The following PALM2AKAP2 variants were observed in gnomAD, a reference collection of about 807,000 sequenced individuals.
PALM2AKAP2 encodes PALM2-AKAP2 fusion protein.
PALM2AKAP2 carries 37 observed loss-of-function variants against 71.5 expected under a neutral mutation model. The observed-to-expected ratio is 0.52, with a 90% CI of 0.40 to 0.68. PALM2AKAP2 has a LOEUF of 0.68. Ranked by LOEUF, PALM2AKAP2 falls within the 30% of genes least tolerant of loss-of-function variation. The pLI is 0.00. For missense variants in PALM2AKAP2, 1,224 were observed against 1,191.8 expected (o/e 1.03, Z -0.40); for synonymous variants, 468 against 478.8 (o/e 0.98, Z 0.29).
At chr9:110,035,891 G>A (rs1157550212) in intron 7 of PALM2AKAP2, among the ~76,000 whole-genome samples, 6 of 146,248 alleles carry the variant, frequency 4.1e-5, no homozygotes, top group African/African-American at 1.5e-4. Context: ...GATATGTTGT[G>A]TGTTATATAT....
At chr9:109,955,983 GTGTT>G (rs1256279509) in intron 6 of PALM2AKAP2, among the ~76,000 whole-genome samples, 6 of 151,702 alleles carry the variant, frequency 4.0e-5, no homozygotes, top group East Asian at 1.9e-4. Flanking sequence ...ATATGATTTA[GTGTT>G]TGTTTGTTTT....
intron 1 of PALM2AKAP2, among the ~76,000 whole-genome samples, chr9:109,856,649 A>G (rs1407496534): frequency 6.6e-6 from 1 of 152,110 alleles, no homozygotes; most frequent in Non-Finnish European, 1.5e-5. Context: ...TATTACTTTT[A>G]TTTATGTTTT....
chr9:110,138,738 A>G (rs897800488), intron 2 of PALM2AKAP2, among the ~76,000 whole-genome samples, 199 bp downstream of exon 8: 2 of 152,220 alleles, frequency 1.3e-5, no homozygotes, highest in African/African-American at 4.8e-5. Context: ...CTGAGCTTGC[A>G]TGGAGTTTGC....
At chr9:109,893,649 T>C (rs1830136897) in intron 3 of PALM2AKAP2, among the ~76,000 whole-genome samples, 1 of 152,160 alleles carries the variant, frequency 6.6e-6, no homozygotes, top group Non-Finnish European at 1.5e-5. Flanking sequence ...GGTTTCACCG[T>C]GTTGGCCAGG....
chr9:109,723,618 A>T (rs182140477), intron 1 of PALM2AKAP2, among the ~76,000 whole-genome samples: 1 of 152,352 alleles, frequency 6.6e-6, no homozygotes, highest in African/African-American at 2.4e-5. Context: ...ATGAGGATAT[A>T]TATGTATCAC....
chr9:110,167,081 A>G (rs1836754393), intron 3 of PALM2AKAP2, among the ~76,000 whole-genome samples: 1 of 152,198 alleles, frequency 6.6e-6, no homozygotes, highest in Non-Finnish European at 1.5e-5. Flanking sequence ...TTATAAAACC[A>G]TCAGGTCTGG....
At chr9:109,801,269 T>C (rs1293591929) in intron 1 of PALM2AKAP2, among the ~76,000 whole-genome samples, 1 of 152,064 alleles carries the variant, frequency 6.6e-6, no homozygotes, top group East Asian at 1.9e-4. Context: ...CCCCCAGGGA[T>C]AGTGGTGAAG....
chr9:109,757,127 A>T (rs977189552), intron 1 of PALM2AKAP2, among the ~76,000 whole-genome samples: 1 of 151,866 alleles, frequency 6.6e-6, no homozygotes, highest in African/African-American at 2.4e-5. Flanking sequence ...CCTCATACAC[A>T]CCCTTCCCAG....
At chr9:109,720,181 G>T (rs780519901) in intron 1 of PALM2AKAP2, among the ~76,000 whole-genome samples, 1 of 152,106 alleles carries the variant, frequency 6.6e-6, no homozygotes, top group Non-Finnish European at 1.5e-5. Context: ...TAGAGATGGG[G>T]TTTCACCATG....
At position 110,131,575 on chromosome 9, in the gene PALM2AKAP2, C is replaced by T. The variant is rs114119082; in HGVS notation, c.157-4552C>T. On this transcript the variant is annotated intron_variant, in intron 1 of 3. Coordinates refer to ENST00000374525, the Ensembl canonical transcript of PALM2AKAP2. ...ACCAAGCCCAGATTCCTGCCTAATC[C>T]GGATAGGTTAGATTTCCAGCCCATT... Among the ~76,000 whole-genome samples the T allele has an allele frequency of 1.8e-3, 270 of 152,282 alleles. 3 individuals carry two copies. Among genetic ancestry groups the T allele is most frequent in the African/African-American group, 5.9e-3 (246 of 41,552 alleles).
intron 1 of PALM2AKAP2, among the ~76,000 whole-genome samples, chr9:110,119,211 TGG>T (rs1341632377): frequency 6.6e-6 from 1 of 151,516 alleles, no homozygotes; most frequent in Non-Finnish European, 1.5e-5. Flanking sequence ...GGTGTGGTGG[TGG>T]GCGCCTGTAG....
chr9:109,959,807 A>G (rs893490977), intron 6 of PALM2AKAP2, among the ~76,000 whole-genome samples: 4 of 151,892 alleles, frequency 2.6e-5, no homozygotes, highest in Admixed American at 6.6e-5. Context: ...CCAGGAGAAA[A>G]TTTCCCTCAT....
intron 1 of PALM2AKAP2, among the ~76,000 whole-genome samples, chr9:109,666,680 T>C (rs1827490370): frequency 6.6e-6 from 1 of 152,230 alleles, no homozygotes; most frequent in Non-Finnish European, 1.5e-5. Context: ...TACAGGTGTC[T>C]GCTCCTTATG....
chr9:109,755,447 C>T (rs1360275573), intron 1 of PALM2AKAP2, among the ~76,000 whole-genome samples: 1 of 152,066 alleles, frequency 6.6e-6, no homozygotes, highest in Non-Finnish European at 1.5e-5. Flanking sequence ...CCTCTTCTCC[C>T]TCATCTTTGC....
At chr9:109,709,888 C>T (rs1451527523) in intron 1 of PALM2AKAP2, among the ~76,000 whole-genome samples, 3 of 152,194 alleles carry the variant, frequency 2.0e-5, no homozygotes, top group Non-Finnish European at 2.9e-5. Flanking sequence ...CCCCTACTAC[C>T]TGTGAATATG....
intron 1 of PALM2AKAP2, among the ~76,000 whole-genome samples, chr9:109,735,088 A>G (rs1251548279): frequency 6.6e-6 from 1 of 151,738 alleles, no homozygotes; most frequent in African/African-American, 2.4e-5. Context: ...AGACAAGGCA[A>G]ATGATATCCT....
chr9:109,996,545 T>C (rs1832578980), intron 6 of PALM2AKAP2, among the ~76,000 whole-genome samples: 1 of 152,250 alleles, frequency 6.6e-6, no homozygotes, highest in Non-Finnish European at 1.5e-5. Context: ...ACCATGATCC[T>C]TTTTTGCTCT....
At chr9:110,115,582 C>G (rs956900040) in intron 1 of PALM2AKAP2, among the ~76,000 whole-genome samples, 5 of 152,196 alleles carry the variant, frequency 3.3e-5, no homozygotes, top group African/African-American at 1.2e-4. Flanking sequence ...GGACTTTCCT[C>G]GAGTTCTCTT....
chr9:109,968,798 A>G (rs1027309700), intron 6 of PALM2AKAP2, among the ~76,000 whole-genome samples: 4 of 152,310 alleles, frequency 2.6e-5, no homozygotes, highest in South Asian at 4.1e-4. Flanking sequence ...TAAGTCTGCC[A>G]CTAAGACCCC....
Sources: gnomAD v4.1 joint callset for allele counts (sites outside exome capture counted in the v4.1 genomes callset) on GRCh38, gnomAD v4.1.1 for gene constraint, MANE v1.5 for transcripts, NCBI Gene and HGNC (gene_info 2026-07-23, HGNC 2026-07-21) for gene names.